PPP1R12B: variants seen among roughly 807,000 people sequenced by gnomAD.
PPP1R12B encodes the protein protein phosphatase 1 regulatory subunit 12B.
PPP1R12B carries 76 observed loss-of-function variants against 126.1 expected under a neutral mutation model. The ratio of observed to expected loss-of-function variants is 0.60; its 90% CI spans 0.50 to 0.73. The LOEUF is 0.73. PPP1R12B is among the 30% of genes least tolerant of loss of function. The pLI is 0.00. For missense variants in PPP1R12B, 1,052 were observed against 1,205.1 expected, an observed-to-expected ratio of 0.87 and a Z score of 1.88; for synonymous variants, 356 against 434.7, an observed-to-expected ratio of 0.82 and a Z score of 2.25.
intron 22 of PPP1R12B, among the ~76,000 whole-genome samples, chr1:202,568,197 C>CAT (rs1406637519): frequency 6.6e-5 from 10 of 151,866 alleles, no homozygotes; most frequent in Admixed American, 1.3e-4. Context: ...CACACACACA[C>CAT]ATCCAAGGTC....
rs547891976 is a variant in PPP1R12B, at chr1:202,411,738, G to A, written c.292-5049G>A. 4.6e-5 allele frequency among the ~76,000 whole-genome samples: 7 copies of A among 152,208 alleles called. No individual in the cohort carries two copies. The East Asian group carries it at 1.2e-3, about 25-fold the overall frequency. ...GTGGTACTCCCAATGCTATAGATGAGTACATATGCTTATAGTTAAGTTAGA... is the reference window on the plus strand; with the variant it reads ...GTGGTACTCCCAATGCTATAGATGAATACATATGCTTATAGTTAAGTTAGA... On this transcript the variant is annotated intron_variant, in intron 1 of 23. Transcript: ENST00000608999.
chr1:202,411,230 T>C (rs542278432), intron 1 of PPP1R12B, among the ~76,000 whole-genome samples: 52 of 150,286 alleles, frequency 3.5e-4, no homozygotes, highest in Non-Finnish European at 6.2e-4. Context: ...CATGCTTTAG[T>C]CTCTCATCCA....
At position 202,392,323 on chromosome 1, in the gene PPP1R12B, TAC is replaced by T. The variant is rs781634624; in HGVS notation, c.292-24462_292-24461del. 9.9e-5 allele frequency among the ~76,000 whole-genome samples: 15 copies of T among 152,176 alleles called. 1 individual carries two copies. Among genetic ancestry groups the T allele is most frequent in the African/African-American group, 1.7e-4 (7 of 41,454 alleles). ...AAAGGAATGAAATACTGATTCATGCTACAGTTTGGATGAGCCTTGAAAACAGA... is the reference window on the plus strand; with the variant it reads ...AAAGGAATGAAATACTGATTCATGCTAGTTTGGATGAGCCTTGAAAACAGA... On this transcript the variant is annotated intron_variant, in intron 1 of 23. Coordinates refer to ENST00000608999, the MANE Select transcript of PPP1R12B (RefSeq NM_002481.4).
At chr1:202,472,857 G>A (rs1676122672) in intron 13 of PPP1R12B, among the ~76,000 whole-genome samples, 1 of 152,198 alleles carries the variant, frequency 6.6e-6, no homozygotes, top group South Asian at 2.1e-4. Context: ...TTCTGCTGGT[G>A]TAGCACAGCA....
intron 23 of PPP1R12B, chr1:202,575,375 C>T (rs186368351): frequency 2.0e-6 from 1 of 499,620 alleles, no homozygotes; most frequent in East Asian, 3.2e-5. Flanking sequence ...CCAATATATT[C>T]ATTTGGTAAG....
At chr1:202,373,972 A>T (rs1271315866) in intron 1 of PPP1R12B, among the ~76,000 whole-genome samples, 1 of 152,176 alleles carries the variant, frequency 6.6e-6, no homozygotes, top group Non-Finnish European at 1.5e-5. Flanking sequence ...TAATTTTTTG[A>T]TACCCTTGAT....
Position 202,493,298 on chromosome 1 carries a change from G to A in PPP1R12B, c.2126G>A (p.Gly709Asp), listed in dbSNP as rs1245205950. 2 of 1,612,152 alleles carry A rather than the reference G, an allele frequency of 1.2e-6. No homozygotes were observed. Among genetic ancestry groups the A allele is most frequent in the African/African-American group, 1.3e-5 (1 of 74,878 alleles). Residue 709 changes from glycine to aspartate, a missense_variant, in exon 15 of 24, where the codon GGC becomes GAC. Physicochemically the swap from Gly to Asp is moderately conservative, Grantham distance 94 (BLOSUM62 -1). Coordinates refer to ENST00000608999, the MANE Select transcript of PPP1R12B (RefSeq NM_002481.4). The part of the protein sequence containing the change: ...TEAGEGQQPW[G>D]RSLDEEPICH... ...GCTGGGGAGGGCCAGCAGCCCTGGG[G>A]CAGGAGTCTGGATGAAGAGGTGAGC...
At position 202,591,880 on chromosome 1, in the gene PPP1R12B, C is replaced by T. The variant is rs1286759966; in HGVS notation, c.*11320C>T. 3 of 152,710 alleles carry T rather than the reference C, an allele frequency of 2.0e-5. No homozygotes were observed. Among genetic ancestry groups the T allele is most frequent in the Admixed American group, 2.0e-4 (3 of 15,284 alleles). 9.5% of individuals were successfully genotyped at this position (152,710 alleles called of 1,614,324 possible). A position where few individuals can be genotyped will look rare whatever the true frequency, so the allele number is the denominator to read the frequency against. On this transcript the variant is annotated 3_prime_UTR_variant, in exon 24 of 24. Coordinates refer to ENST00000608999, the MANE Select transcript of PPP1R12B (RefSeq NM_002481.4). ...TGGAGTCCCACTGCTGTCTGCTCCT[C>T]GCCCAGCGTAGAGATGGAGCTGAAC... is the stretch of plus-strand genomic sequence containing the variant.
At chr1:202,545,743 A>C (rs771732118) in intron 18 of PPP1R12B, among the ~76,000 whole-genome samples, 13 of 152,372 alleles carry the variant, frequency 8.5e-5, no homozygotes, top group African/African-American at 3.1e-4. Context: ...TGGTTAATAC[A>C]TTAGCCTGAT....
rs1668955683 is a variant in PPP1R12B at position 202,422,675 on chromosome 1, C to T, written c.478C>T (p.Pro160Ser). 2 of 1,613,646 alleles carry T rather than the reference C, an allele frequency of 1.2e-6. No homozygotes were observed. Among genetic ancestry groups the T allele is most frequent in the Non-Finnish European group, 1.7e-6 (2 of 1,179,798 alleles). Residue 160 changes from proline (P) to serine (S), a missense_variant, in exon 3 of 24, where the codon CCC becomes TCC. Pro to Ser is a moderately conservative substitution (Grantham distance 74). Transcript: ENST00000608999. ...VGIVNSEGEV[P>S]SDLAEEPAMK... ...TATTGTCAATAGTGAAGGTGAAGTT[C>T]CCTCTGACCTTGCAGAAGAGCCAGC... is the stretch of plus-strand genomic sequence containing the variant.
intron 13 of PPP1R12B, among the ~76,000 whole-genome samples, chr1:202,488,096 C>T (rs1026599486): frequency 6.6e-6 from 1 of 152,220 alleles, no homozygotes; most frequent in African/African-American, 2.4e-5. Context: ...CATCACTACT[C>T]TTGCACTTTG....
intron 3 of PPP1R12B, among the ~76,000 whole-genome samples, chr1:202,423,653 TG>T (rs1345564685): frequency 6.6e-6 from 1 of 152,110 alleles, no homozygotes; most frequent in Non-Finnish European, 1.5e-5. Context: ...CTGCCTTTCA[TG>T]TATAGTTTTT....
At chr1:202,486,079 G>A (rs377486407) in intron 13 of PPP1R12B, among the ~76,000 whole-genome samples, 4 of 152,078 alleles carry the variant, frequency 2.6e-5, no homozygotes, top group African/African-American at 9.7e-5. Context: ...ACGAGGTTTT[G>A]CCATGTTGCC....
chr1:202,489,479 G>A (rs1678583666), intron 14 of PPP1R12B, among the ~76,000 whole-genome samples: 1 of 152,156 alleles, frequency 6.6e-6, no homozygotes, highest in Non-Finnish European at 1.5e-5. Flanking sequence ...ATTAACTAAT[G>A]AATGGGTAAA....
chr1:202,438,328 G>A (rs533826882), intron 10 of PPP1R12B: 301 of 1,300,296 alleles, frequency 2.3e-4, no homozygotes, highest in African/African-American at 2.0e-3. Context: ...TCAGTATGGC[G>A]GAGGGGGGCA....
At chr1:202,543,957 T>C (rs1685395426) in intron 18 of PPP1R12B, among the ~76,000 whole-genome samples, 1 of 152,232 alleles carries the variant, frequency 6.6e-6, no homozygotes, top group Non-Finnish European at 1.5e-5. Flanking sequence ...TAGTTCAGTA[T>C]CTTTTTTGTG....
intron 1 of PPP1R12B, among the ~76,000 whole-genome samples, chr1:202,395,786 C>T (rs1437261912): frequency 2.0e-5 from 3 of 152,200 alleles, no homozygotes; most frequent in Non-Finnish European, 4.4e-5. Context: ...ACCCTAAACT[C>T]GTTACCTCTC....
intron 1 of PPP1R12B, among the ~76,000 whole-genome samples, chr1:202,385,728 A>G (rs1215608447): frequency 6.6e-6 from 1 of 152,186 alleles, no homozygotes; most frequent in African/African-American, 2.4e-5. Context: ...CAATCATACA[A>G]TAACTGTCAC....
At position 202,569,139 on chromosome 1, in the gene PPP1R12B, C is replaced by T. The variant is rs551524581; in HGVS notation, c.2812-8C>T. On this transcript the variant is annotated splice_polypyrimidine_tract_variant and splice_region_variant and intron_variant, in intron 22 of 23. Transcript: ENST00000608999. ...ATAATGTTCAACAGTCTCATTGTTC[C>T]GAAACAGGAGAGGCGAGCCTTGGAG... The T allele has an allele frequency of 4.5e-5, 72 of 1,612,560 alleles. No homozygotes were observed. Among genetic ancestry groups the T allele is most frequent in the East Asian group, 6.7e-5 (3 of 44,842 alleles).
Sources: allele counts gnomAD v4.1 joint callset (sites outside exome capture counted in the v4.1 genomes callset), GRCh38; gene constraint gnomAD v4.1.1; transcripts MANE v1.5; gene names NCBI Gene and HGNC (gene_info 2026-07-23, HGNC 2026-07-21).